TRAK2: variants seen among roughly 807,000 people sequenced by gnomAD.
TRAK2 encodes trafficking kinesin-binding protein 2.
TRAK2 carries 81 observed loss-of-function variants against 104.6 expected under a neutral mutation model. The ratio of observed to expected loss-of-function variants is 0.77; its 90% confidence interval spans 0.65 to 0.93. The LOEUF (loss-of-function observed/expected upper bound fraction) is 0.93, where lower values mean the gene tolerates loss of function less well. Ranked by LOEUF, TRAK2 falls within the 40% of genes least tolerant of loss-of-function variation. TRAK2 has a pLI of 0.00. For synonymous variants in TRAK2, 406 were observed against 394.4 expected (o/e 1.03, Z -0.35); for missense variants, 1,002 against 1,089.0 (o/e 0.92, Z 1.12).
At chr2:201,386,171 A>G in intron 14 of TRAK2, 47 bp downstream of exon 14, 3 of 1,604,152 alleles carry the variant, frequency 1.9e-6, no homozygotes, top group Non-Finnish European at 8.5e-7. Flanking sequence ...TCAGAATGCA[A>G]AGTACTTCTG....
intron 8 of TRAK2, 195 bp downstream of exon 8, chr2:201,395,119 G>C: frequency 1.6e-6 from 1 of 632,832 alleles, no homozygotes; most frequent in Admixed American, 3.2e-5. Flanking sequence ...ATTTTACAAA[G>C]AGAAATAATG....
rs538644394 is a variant in TRAK2 at position 201,447,734 on chromosome 2, C to T, written c.-200+3616G>A. Among the ~76,000 whole-genome samples, 11 of 152,298 alleles carry T rather than the reference C, an allele frequency of 7.2e-5. No individual in the cohort carries two copies. Among genetic ancestry groups the T allele is most frequent in the Admixed American group, 3.3e-4 (5 of 15,300 alleles). Reference sequence around the variant, plus strand: ...CAAATACAGTCACATTCTGAGGTTACGGCTGTTAGGGCTTCAATATAATTT... The same window carrying T: ...CAAATACAGTCACATTCTGAGGTTATGGCTGTTAGGGCTTCAATATAATTT... On this transcript the variant is annotated intron_variant, in intron 1 of 15. Coordinates refer to ENST00000332624, the MANE Select transcript of TRAK2 (RefSeq NM_015049.3). The surrounding 1 kb of genome is among the most constrained non-coding windows in gnomAD (Gnocchi z 4.1).
At chr2:201,424,604 G>T (rs1479575404) in intron 1 of TRAK2, among the ~76,000 whole-genome samples, 2 of 144,404 alleles carry the variant, frequency 1.4e-5, no homozygotes, top group African/African-American at 2.5e-5. Context: ...GTTTGTTTTT[G>T]TTTTTTTTTT....
chr2:201,413,648 A>G (rs1365436006), intron 2 of TRAK2, among the ~76,000 whole-genome samples: 4 of 152,050 alleles, frequency 2.6e-5, no homozygotes, highest in Non-Finnish European at 4.4e-5. Context: ...GAAACCATCC[A>G]ATCCTGCCTC....
chr2:201,442,092 G>C (rs890786991), intron 1 of TRAK2, among the ~76,000 whole-genome samples: 2 of 151,252 alleles, frequency 1.3e-5, no homozygotes, highest in African/African-American at 2.4e-5. Context: ...AGTGGAAAGC[G>C]ATACGAGCAG....
intron 1 of TRAK2, among the ~76,000 whole-genome samples, chr2:201,449,883 G>A (rs1297946177): frequency 1.3e-5 from 2 of 151,884 alleles, no homozygotes; most frequent in Admixed American, 6.6e-5. Context: ...CAGTAGAGAC[G>A]GGTTTCTCCA....
At chr2:201,422,825 TC>T (rs1951753854) in intron 1 of TRAK2, among the ~76,000 whole-genome samples, 2 of 151,748 alleles carry the variant, frequency 1.3e-5, no homozygotes, top group Non-Finnish European at 1.5e-5. Flanking sequence ...GACCACGATT[TC>T]CTAACACCTA....
At chr2:201,445,581 C>A (rs1951958451) in intron 1 of TRAK2, among the ~76,000 whole-genome samples, 1 of 152,156 alleles carries the variant, frequency 6.6e-6, no homozygotes, top group African/African-American at 2.4e-5. Flanking sequence ...CTGAGGTGGT[C>A]TGGCTTCACA....
In TRAK2 at chr2:201,423,037, C is replaced by CCACACACACACACACACA. The variant is rs142826543; in HGVS notation, c.-199-2349_-199-2332dup. On this transcript the variant is annotated intron_variant, in intron 1 of 15. Transcript: ENST00000332624. ...TGGAATAACAACAGCAACACCACCACCACACACACACACACACACACACAC... is the reference window on the plus strand; with the variant it reads ...TGGAATAACAACAGCAACACCACCACCACACACACACACACACACACACACACACACACACACACACAC... Among the ~76,000 whole-genome samples the CCACACACACACACACACA allele has an allele frequency of 7.6e-4, 102 of 134,222 alleles. 1 individual carries two copies. The highest frequency in any genetic ancestry group is 2.5e-3 in the African/African-American group (87 of 35,386). The allele number at this position is 134,222 out of a possible 152,430, so 88.1% of individuals were successfully genotyped here.
At chr2:201,390,788 TA>T (rs1332880381) in intron 10 of TRAK2, among the ~76,000 whole-genome samples, 1 of 151,800 alleles carries the variant, frequency 6.6e-6, no homozygotes, top group East Asian at 1.9e-4. Context: ...TTTTCTGTAA[TA>T]AACATGCATA....
At chr2:201,412,897 G>C in intron 2 of TRAK2, 1 of 793,378 alleles carries the variant, frequency 1.3e-6, no homozygotes, top group Admixed American at 1.8e-5. Flanking sequence ...TGGAGATATA[G>C]GGAAAGGGAG....
chr2:201,386,655 C>T (rs1482547186), intron 13 of TRAK2, among the ~76,000 whole-genome samples, 171 bp from the exon 14 acceptor site: 1 of 151,842 alleles, frequency 6.6e-6, no homozygotes. Context: ...TGGAAGATGA[C>T]AAGATGTCAA....
intron 2 of TRAK2, chr2:201,411,231 G>A (rs1446816750): frequency 5.6e-6 from 4 of 720,032 alleles, no homozygotes; most frequent in East Asian, 4.9e-5. Context: ...GGGTTTAAGA[G>A]GCTGCTGGCC....
In TRAK2 at chr2:201,420,650, T is replaced by A; in HGVS notation, c.-143A>T. ...GACAGATTTTCTCTGATGAGTCAAA[T>A]GACATCCGTAGCAACGAGCACTCTC... On this transcript the variant is annotated 5_prime_UTR_variant, in exon 2 of 16. Coordinates refer to ENST00000332624, the MANE Select transcript of TRAK2 (RefSeq NM_015049.3). 3 of 660,898 alleles carry A rather than the reference T, an allele frequency of 4.5e-6. No homozygotes were observed. The highest frequency in any genetic ancestry group is 7.9e-6 in the Non-Finnish European group (3 of 378,250). The allele number at this position is 660,898 out of a possible 1,614,324, so 40.9% of individuals were successfully genotyped here.
At position 201,407,531 on chromosome 2, in the gene TRAK2, T is replaced by G. The variant is rs1447949088; in HGVS notation, c.158A>C (p.Gln53Pro). The change falls in exon 3 of 16, where the codon CAG becomes CCG. Residue 53 changes from glutamine to proline, a missense_variant. Physicochemically the swap from Gln to Pro is moderately conservative, Grantham distance 76. Transcript: ENST00000332624. ...LVSLLEEQLP[Q>P]YRLKVDTLFL... ...GAGAGTGTCTACTTTTAGCCTATAC[T>G]GTGGTAGTTGTTCTTCTAGCAGACT... The G allele has an allele frequency of 6.2e-7, 1 of 1,614,096 alleles. No individual in the cohort carries two copies.
At position 201,380,480 on chromosome 2, in the gene TRAK2, G is replaced by T; in HGVS notation, c.*63C>A. ...TCTCTCAAGTCAGACCAGACCACAT[G>T]TTTCAGTGCATATCTATCCTTCATG... On this transcript the variant is annotated 3_prime_UTR_variant, in exon 16 of 16. Coordinates refer to ENST00000332624, the MANE Select transcript of TRAK2 (RefSeq NM_015049.3). 2 of 1,497,286 alleles carry T rather than the reference G, an allele frequency of 1.3e-6. No homozygotes were observed. Among genetic ancestry groups the T allele is most frequent in the Non-Finnish European group, 1.8e-6 (2 of 1,093,474 alleles). The allele number at this position is 1,497,286 out of a possible 1,614,324, so 92.8% of individuals were successfully genotyped here.
chr2:201,411,841 C>T, intron 2 of TRAK2: 1 of 856,542 alleles, frequency 1.2e-6, no homozygotes, highest in South Asian at 1.3e-5. Flanking sequence ...TGTAGACAGG[C>T]ATTTTTAATT....
At chr2:201,406,679 T>C (rs893605437) in intron 3 of TRAK2, among the ~76,000 whole-genome samples, 1 of 152,238 alleles carries the variant, frequency 6.6e-6, no homozygotes, top group Non-Finnish European at 1.5e-5. Flanking sequence ...TCATAAGCTT[T>C]TATTATAAAT....
intron 2 of TRAK2, among the ~76,000 whole-genome samples, chr2:201,420,155 T>C (rs1951727378): frequency 1.3e-5 from 2 of 152,048 alleles, no homozygotes; most frequent in Non-Finnish European, 2.9e-5. Flanking sequence ...GGAGATCAGA[T>C]GGATATGATG....
Sources: gnomAD v4.1 joint callset for allele counts (sites outside exome capture counted in the v4.1 genomes callset) on GRCh38, gnomAD v4.1.1 for gene constraint, Gnocchi (gnomAD v3.1) non-coding constraint, MANE v1.5 for transcripts, NCBI Gene and HGNC (gene_info 2026-07-23, HGNC 2026-07-21) for gene names.